RORA: variants seen among roughly 807,000 people sequenced by gnomAD.
RORA encodes nuclear receptor ROR-alpha.
A neutral mutation model predicts 69.5 loss-of-function variants in RORA; 7 were observed. The ratio of observed to expected loss-of-function variants is 0.10; its 90% CI spans 0.06 to 0.19. The LOEUF is 0.19. RORA is among the 10% of genes least tolerant of loss of function. The probability of loss-of-function intolerance (pLI) is 1.00; values close to 1 mark genes in which losing one functional copy is unlikely to be tolerated. For missense variants in RORA, 457 were observed against 663.0 expected, an observed-to-expected ratio of 0.69 and a Z score of 3.41; for synonymous variants, 261 against 240.8, an observed-to-expected ratio of 1.08 and a Z score of -0.78.
intron 1 of RORA, among the ~76,000 whole-genome samples, chr15:60,843,028 C>T (rs768729278): frequency 6.6e-6 from 1 of 152,148 alleles, no homozygotes; most frequent in Non-Finnish European, 1.5e-5. Flanking sequence ...CCACCACACC[C>T]CTCGTGAAAC....
chr15:60,517,902 C>T (rs910115542), intron 3 of RORA, among the ~76,000 whole-genome samples: 30 of 152,200 alleles, frequency 2.0e-4, no homozygotes, highest in Non-Finnish European at 7.3e-5. Flanking sequence ...TACTTGAGGG[C>T]TGCCATGCTA....
chr15:60,500,585 T>A (rs1325300973), intron 9 of RORA, among the ~76,000 whole-genome samples: 2 of 151,944 alleles, frequency 1.3e-5, no homozygotes, highest in African/African-American at 4.9e-5. Context: ...GACATCTAAA[T>A]GGATTTTAAC....
chr15:60,884,992 C>G (rs2073735786), intron 1 of RORA, among the ~76,000 whole-genome samples: 1 of 152,194 alleles, frequency 6.6e-6, no homozygotes, highest in Non-Finnish European at 1.5e-5. Flanking sequence ...TAGTTTGGAC[C>G]ATAGCAAGCC....
chr15:60,957,316 C>G (rs1893297715), intron 1 of RORA, among the ~76,000 whole-genome samples: 1 of 152,182 alleles, frequency 6.6e-6, no homozygotes, highest in African/African-American at 2.4e-5. Context: ...GACTAAAATC[C>G]TCTCAGCAAC....
chr15:60,808,166 A>G (rs904893181), intron 1 of RORA, among the ~76,000 whole-genome samples: 1 of 150,814 alleles, frequency 6.6e-6, no homozygotes, highest in Non-Finnish European at 1.5e-5. Flanking sequence ...AAATCTTCAC[A>G]GTGTATACTT....
At chr15:61,137,404 T>C (rs2079255876) in intron 1 of RORA, among the ~76,000 whole-genome samples, 1 of 152,260 alleles carries the variant, frequency 6.6e-6, no homozygotes, top group Non-Finnish European at 1.5e-5. Flanking sequence ...TTTTGTGTTT[T>C]TGAACATTAA....
chr15:60,729,459 T>C (rs2071403128), intron 1 of RORA, among the ~76,000 whole-genome samples: 1 of 152,202 alleles, frequency 6.6e-6, no homozygotes, highest in Non-Finnish European at 1.5e-5. Context: ...CTCAATGTAG[T>C]ACCCTAGGAC....
At chr15:61,228,993 C>G in intron 1 of RORA, 60 bp downstream of exon 1, 2 of 1,005,760 alleles carry the variant, frequency 2.0e-6, no homozygotes, top group Non-Finnish European at 1.2e-6. Flanking sequence ...CTCCCGGCCG[C>G]CCCCCGCTCC....
rs78973649 is a variant in RORA at position 60,575,157 on chromosome 15, A to G, written c.197-43306T>C. ...GCCTTAACCTAGGGCCAGAACCTTC[A>G]GCAAAGAGCTAGAATGTACACAGAC... is the stretch of plus-strand genomic sequence containing the variant. On this transcript the variant is annotated intron_variant, in intron 2 of 10. Transcript: ENST00000335670. Among the ~76,000 whole-genome samples the G allele has an allele frequency of 9.5e-3, 1,454 of 152,266 alleles. 18 individuals carry two copies. Among genetic ancestry groups the G allele is most frequent in the African/African-American group, 0.033 (1,388 of 41,550 alleles).
chr15:61,150,206 A>G (rs973221987), intron 1 of RORA, among the ~76,000 whole-genome samples: 3 of 152,336 alleles, frequency 2.0e-5, no homozygotes, highest in African/African-American at 4.8e-5. Context: ...GTGTTCCACC[A>G]TATTTCTTAG....
At chr15:60,897,183 G>A (rs754724671) in intron 1 of RORA, among the ~76,000 whole-genome samples, 1 of 152,148 alleles carries the variant, frequency 6.6e-6, no homozygotes, top group Non-Finnish European at 1.5e-5. Flanking sequence ...GAAAGCCCTA[G>A]AAGGGGCTAG....
chr15:61,093,163 T>C (rs147639868), intron 1 of RORA, among the ~76,000 whole-genome samples: 125 of 152,354 alleles, frequency 8.2e-4, no homozygotes, highest in African/African-American at 2.8e-3. Context: ...ATTTACTCAT[T>C]TATTCCACAA....
chr15:61,212,951 C>A (rs1387256993), intron 1 of RORA, among the ~76,000 whole-genome samples: 1 of 152,184 alleles, frequency 6.6e-6, no homozygotes, highest in Admixed American at 6.5e-5. Flanking sequence ...CCTGGCCCTC[C>A]TAAGTGCCAG....
intron 1 of RORA, among the ~76,000 whole-genome samples, chr15:61,050,261 G>A (rs1356540644): frequency 6.6e-6 from 1 of 152,164 alleles, no homozygotes; most frequent in Non-Finnish European, 1.5e-5. Flanking sequence ...ACACGCACCC[G>A]TGGCTCACAA....
At chr15:61,156,214 G>T (rs1027673165) in intron 1 of RORA, among the ~76,000 whole-genome samples, 1 of 152,192 alleles carries the variant, frequency 6.6e-6, no homozygotes, top group East Asian at 1.9e-4. Context: ...AACAAGGGGG[G>T]AAAAGTTTGA....
At chr15:61,186,620 A>C (rs184802514) in intron 1 of RORA, among the ~76,000 whole-genome samples, 3 of 123,492 alleles carry the variant, frequency 2.4e-5, no homozygotes, top group Non-Finnish European at 4.8e-5. Context: ...CAGCCTGGGC[A>C]ATGATGTGAG....
chr15:60,982,313 G>C (rs1894067493), intron 1 of RORA, among the ~76,000 whole-genome samples: 1 of 152,168 alleles, frequency 6.6e-6, no homozygotes, highest in African/African-American at 2.4e-5. Flanking sequence ...CCCTGGACAT[G>C]TGAATGTTCT....
chr15:60,752,358 C>T lies in RORA; in HGVS notation c.167-73672G>A, dbSNP rs562821276. On this transcript the variant is annotated intron_variant, in intron 1 of 10. Transcript: ENST00000335670. The stretch of plus-strand genomic sequence containing the variant: ...ATCCTGACAAATACAGTATGTAAAG[C>T]GCAGGGACGTGTGAAAGGAAAGTGT... 2.0e-5 allele frequency among the ~76,000 whole-genome samples: 3 copies of T among 152,214 alleles called. 1 individual carries two copies. The highest frequency in any genetic ancestry group is 2.0e-4 in the Admixed American group (3 of 15,284).
Position 60,749,229 on chromosome 15 carries a change from G to T in RORA, c.167-70543C>A, listed in dbSNP as rs182730286. Among the ~76,000 whole-genome samples the T allele has an allele frequency of 1.6e-4, 25 of 152,200 alleles. No homozygotes were observed. The East Asian group carries it at 4.8e-3, about 29-fold the overall frequency. ...TATTATTGTTATAAAAATATTTACT[G>T]TCTTTAAAAGTTTAGTACATCCCTT... is the stretch of plus-strand genomic sequence containing the variant. On this transcript the variant is annotated intron_variant, in intron 1 of 10. Transcript: ENST00000335670.
Sources: allele counts gnomAD v4.1 joint callset (sites outside exome capture counted in the v4.1 genomes callset), GRCh38; gene constraint gnomAD v4.1.1; transcripts MANE v1.5; gene names NCBI Gene and HGNC (gene_info 2026-07-23, HGNC 2026-07-21).